TPP2: variants seen among roughly 807,000 people sequenced by gnomAD.
TPP2 encodes the protein tripeptidyl-peptidase 2.
In TPP2, 34 loss-of-function variants were observed where a neutral mutation model predicts 155.9. The observed-to-expected ratio is 0.22, with a 90% CI of 0.17 to 0.29. The LOEUF (loss-of-function observed/expected upper bound fraction) is 0.29. Ranked by LOEUF, TPP2 falls within the 10% of genes least tolerant of loss-of-function variation. TPP2 has a pLI of 1.00. For synonymous variants in TPP2, 510 were observed against 529.4 expected (o/e 0.96, Z 0.50); for missense variants, 1,028 against 1,522.3 (o/e 0.68, Z 5.40).
chr13:102,630,228 A>T (rs754454390), intron 10 of TPP2, 33 bp downstream of exon 10: 2 of 1,531,274 alleles, frequency 1.3e-6, no homozygotes, highest in Non-Finnish European at 1.8e-6. Flanking sequence ...ACCATTACGT[A>T]TATTCGGTTA....
At position 102,674,274 on chromosome 13, in the gene TPP2, G is replaced by T. The variant is rs1399734367; in HGVS notation, c.3372-9G>T. 2.5e-6 allele frequency: 4 copies of T among 1,609,524 alleles called. No homozygotes were observed. In the African/African-American group the frequency reaches 4.0e-5, roughly 16 times the overall value. On this transcript the variant is annotated splice_polypyrimidine_tract_variant and intron_variant, in intron 27 of 29. Transcript: ENST00000376052. ...TGATATCTGAAATATTTTTTAATTTGCTGTACAGTGACATGGACAAACAAA... is the reference window on the plus strand; with the variant it reads ...TGATATCTGAAATATTTTTTAATTTTCTGTACAGTGACATGGACAAACAAA...
intron 5 of TPP2, 59 bp from the exon 6 acceptor site, chr13:102,622,818 T>C: frequency 6.5e-7 from 1 of 1,537,740 alleles, no homozygotes; most frequent in Non-Finnish European, 8.8e-7. Context: ...CTATGTTACA[T>C]GATTTTTAGA....
chr13:102,613,316 T>TA (rs1304279315), intron 2 of TPP2, among the ~76,000 whole-genome samples: 1 of 152,218 alleles, frequency 6.6e-6, no homozygotes, highest in Non-Finnish European at 1.5e-5. Flanking sequence ...GGGGATGAGT[T>TA]AAAGGTATTG....
At chr13:102,648,720 C>T (rs565305060) in intron 21 of TPP2, among the ~76,000 whole-genome samples, 187 bp from the exon 22 acceptor site, 2 of 152,196 alleles carry the variant, frequency 1.3e-5, no homozygotes, top group South Asian at 4.1e-4. Flanking sequence ...GTCCCTGATC[C>T]TGTCTGCTCA....
Position 102,637,062 on chromosome 13 carries a change from T to G in TPP2, c.1679-20T>G. 1 of 1,562,908 alleles carries G rather than the reference T, an allele frequency of 6.4e-7. No individual in the cohort carries two copies. The highest frequency in any genetic ancestry group is 8.6e-7 in the Non-Finnish European group (1 of 1,161,634). On this transcript the variant is annotated intron_variant, in intron 13 of 29. Transcript: ENST00000376052. ...AGGAAAAAAATACTCATCTTTAATTTTTGGTCTTTTTCGTGCCAGAAAACT... is the reference window on the plus strand; with the variant it reads ...AGGAAAAAAATACTCATCTTTAATTGTTGGTCTTTTTCGTGCCAGAAAACT...
At chr13:102,638,390 T>C in intron 15 of TPP2, 75 bp downstream of exon 15, 3 of 1,455,646 alleles carry the variant, frequency 2.1e-6, no homozygotes, top group Non-Finnish European at 2.9e-6. Context: ...TTGTGGACTT[T>C]TAATGATCAC....
chr13:102,613,927 G>A (rs1202717902), intron 2 of TPP2, among the ~76,000 whole-genome samples, 174 bp from the exon 3 acceptor site: 1 of 152,166 alleles, frequency 6.6e-6, no homozygotes, highest in Non-Finnish European at 1.5e-5. Flanking sequence ...GAAAAAAGAA[G>A]TGATAAAGAC....
At chr13:102,612,674 T>G (rs1880412067) in intron 2 of TPP2, among the ~76,000 whole-genome samples, 1 of 152,216 alleles carries the variant, frequency 6.6e-6, no homozygotes, top group Admixed American at 6.5e-5. Flanking sequence ...GTAACTAGTC[T>G]GCCTTCGTGG....
chr13:102,627,824 C>G (rs1199198895), intron 7 of TPP2, 24 bp from the exon 8 acceptor site: 3 of 1,572,620 alleles, frequency 1.9e-6, no homozygotes, highest in Non-Finnish European at 2.6e-6. Context: ...GCTGCCTAAA[C>G]TAGAGTCTTA....
chr13:102,654,878 G>A (rs1883750435), intron 24 of TPP2: 1 of 448,470 alleles, frequency 2.2e-6, no homozygotes, highest in Non-Finnish European at 4.5e-6. Context: ...CGCTTACCTT[G>A]GCTTTGCTCA....
chr13:102,657,445 G>A (rs1883935334), intron 25 of TPP2, among the ~76,000 whole-genome samples: 1 of 151,336 alleles, frequency 6.6e-6, no homozygotes, highest in Non-Finnish European at 1.5e-5. Context: ...TTTGTTCTTG[G>A]AAGATAATTT....
chr13:102,600,816 T>A (rs1418528980), intron 1 of TPP2, among the ~76,000 whole-genome samples: 1 of 152,044 alleles, frequency 6.6e-6, no homozygotes, highest in Admixed American at 6.6e-5. Flanking sequence ...TTTCCCTCAT[T>A]CCCCCCAAGT....
chr13:102,672,003 C>T (rs1247615538), intron 27 of TPP2, among the ~76,000 whole-genome samples: 1 of 152,174 alleles, frequency 6.6e-6, no homozygotes, highest in Non-Finnish European at 1.5e-5. Flanking sequence ...CCCAAGCGGG[C>T]ACCAGTGACT....
At chr13:102,672,447 A>G (rs374624886) in intron 27 of TPP2, among the ~76,000 whole-genome samples, 26 of 152,168 alleles carry the variant, frequency 1.7e-4, no homozygotes, top group African/African-American at 5.6e-4. Flanking sequence ...GGCTCCGGAT[A>G]AGAGAATTTG....
intron 16 of TPP2, among the ~76,000 whole-genome samples, chr13:102,642,828 G>A (rs767412019): frequency 1.2e-4 from 19 of 152,142 alleles, no homozygotes; most frequent in Non-Finnish European, 2.4e-4. Context: ...AACAAATAGA[G>A]GTTTCCAAAA....
rs1882198895 is a variant in TPP2 at position 102,633,961 on chromosome 13, C to T, written c.1256C>T (p.Ala419Val). 1 of 1,614,020 alleles carries T rather than the reference C, an allele frequency of 6.2e-7. No individual in the cohort carries two copies. The highest frequency in any genetic ancestry group is 1.7e-5 in the Admixed American group (1 of 60,014). ...GGCTTTCCATTTAGTGCTGACGGGGCCCTTGGTGTGAGTATCAGTGCGCCA... is the reference window on the plus strand; with the variant it reads ...GGCTTTCCATTTAGTGCTGACGGGGTCCTTGGTGTGAGTATCAGTGCGCCA... ...WSSRGPSADG[A>V]LGVSISAPGG... The change falls in exon 11 of 30, where the codon GCC becomes GTC. Residue 419 changes from alanine (A) to valine (V), a missense_variant. Physicochemically the swap from Ala to Val is moderately conservative, Grantham distance 64 (BLOSUM62 0). Coordinates refer to ENST00000376052, the MANE Select transcript of TPP2 (RefSeq NM_001330588.2).
intron 6 of TPP2, 69 bp downstream of exon 6, chr13:102,623,109 T>G (rs1881280485): frequency 4.0e-6 from 6 of 1,485,216 alleles, no homozygotes; most frequent in Non-Finnish European, 5.4e-6. Flanking sequence ...TTGCGATAGC[T>G]CACAGCAACC....
At chr13:102,610,817 C>T (rs186333019) in intron 2 of TPP2, among the ~76,000 whole-genome samples, 6 of 147,324 alleles carry the variant, frequency 4.1e-5, no homozygotes, top group Admixed American at 2.0e-4. Flanking sequence ...ATACATAAAA[C>T]ACATATATAC....
At chr13:102,671,725 A>G (rs1231206043) in intron 27 of TPP2, among the ~76,000 whole-genome samples, 4 of 151,984 alleles carry the variant, frequency 2.6e-5, no homozygotes, top group East Asian at 1.9e-4. Context: ...CTTTTCTCCA[A>G]TTTATTGGAG....
Sources: gnomAD v4.1 joint callset for allele counts (sites outside exome capture counted in the v4.1 genomes callset) on GRCh38, gnomAD v4.1.1 for gene constraint, MANE v1.5 for transcripts, NCBI Gene and HGNC (gene_info 2026-07-23, HGNC 2026-07-21) for gene names.